DIPK1C: variants seen among roughly 807,000 people sequenced by gnomAD.
DIPK1C encodes the protein divergent protein kinase domain 1C.
In DIPK1C, 33 loss-of-function variants were observed where a neutral mutation model predicts 28.0. The ratio of observed to expected loss-of-function variants is 1.18; its 90% CI spans 0.89 to 1.58. The LOEUF (loss-of-function observed/expected upper bound fraction) is 1.58, where lower values mean the gene tolerates loss of function less well. DIPK1C is among the 40% of genes most tolerant of loss of function. DIPK1C has a pLI of 0.00. For missense variants in DIPK1C, 569 were observed against 568.5 expected, an observed-to-expected ratio of 1.00 and a Z score of -0.01; for synonymous variants, 255 against 248.8, an observed-to-expected ratio of 1.02 and a Z score of -0.23.
At chr18:74,451,529 C>T (rs1264152135) in intron 1 of DIPK1C, among the ~76,000 whole-genome samples, 1 of 152,144 alleles carries the variant, frequency 6.6e-6, no homozygotes, top group Non-Finnish European at 1.5e-5. Flanking sequence ...CGAGATTTGC[C>T]CCTGTGAATT....
chr18:74,436,435 CAAT>C lies in DIPK1C; in HGVS notation c.*63_*65del, dbSNP rs1454731672. On this transcript the variant is annotated 3_prime_UTR_variant, in exon 4 of 4. Transcript: ENST00000343998. ...CAGGGGAAATGGCTCATCTTTAAAA[CAAT>C]GGCAGAAGAAATCCAGCCAAGGTCA... The C allele has an allele frequency of 6.9e-7, 1 of 1,450,066 alleles. No homozygotes were observed. Among genetic ancestry groups the C allele is most frequent in the Non-Finnish European group, 9.3e-7 (1 of 1,078,340 alleles). The allele number at this position is 1,450,066 out of a possible 1,614,324, so 89.8% of individuals were successfully genotyped here.
upstream of DIPK1C, among the ~76,000 whole-genome samples, chr18:74,459,492 AC>A (rs1186197751): frequency 6.6e-6 from 1 of 152,198 alleles, no homozygotes; most frequent in Non-Finnish European, 1.5e-5. Context: ...TTAGGTTGAT[AC>A]CACAGGAAGT....
chr18:74,456,661 CA>C (rs1986520775), intron 1 of DIPK1C, among the ~76,000 whole-genome samples: 1 of 152,222 alleles, frequency 6.6e-6, no homozygotes, highest in Admixed American at 6.5e-5. Context: ...AGAGGCGTGG[CA>C]CCCCGGATCC....
chr18:74,441,764 C>T (rs948746151), intron 3 of DIPK1C, among the ~76,000 whole-genome samples, 188 bp downstream of exon 3: 10 of 152,154 alleles, frequency 6.6e-5, no homozygotes, highest in Non-Finnish European at 1.2e-4. Flanking sequence ...TGACCAACAA[C>T]CCTGGGGGCA....
chr18:74,444,424 C>T (rs908504453), intron 2 of DIPK1C, among the ~76,000 whole-genome samples: 3 of 152,204 alleles, frequency 2.0e-5, no homozygotes, highest in African/African-American at 7.2e-5. Flanking sequence ...CCAGGGCAGC[C>T]CAGCAACCTG....
intron 1 of DIPK1C, among the ~76,000 whole-genome samples, chr18:74,455,409 A>G (rs1170144249): frequency 2.0e-5 from 3 of 152,186 alleles, no homozygotes; most frequent in Non-Finnish European, 4.4e-5. Flanking sequence ...CCCTTCACAA[A>G]AAAAGAAAAC....
chr18:74,464,438 C>A, the DIPK1C span, among the ~76,000 whole-genome samples: 1 of 152,164 alleles, frequency 6.6e-6, no homozygotes, highest in Non-Finnish European at 1.5e-5. Context: ...CTACTCCTGC[C>A]CCCTGGCAGG....
intron 1 of DIPK1C, among the ~76,000 whole-genome samples, chr18:74,450,428 G>C (rs1986372858): frequency 6.6e-6 from 1 of 152,238 alleles, no homozygotes; most frequent in South Asian, 2.1e-4. Context: ...TAAGCTGGGA[G>C]CTTCAGAGTC....
chr18:74,446,486 T>G, intron 2 of DIPK1C, 120 bp downstream of exon 2: 1 of 991,882 alleles, frequency 1.0e-6, no homozygotes, highest in South Asian at 3.0e-5. Context: ...TCTCTAAGGC[T>G]GCAGAAGCAA....
intron 3 of DIPK1C, among the ~76,000 whole-genome samples, chr18:74,438,001 C>T (rs939510097): frequency 2.0e-5 from 3 of 152,222 alleles, no homozygotes; most frequent in Non-Finnish European, 4.4e-5. Flanking sequence ...AAGCGATCCT[C>T]CTGCCTCAGC....
intron 1 of DIPK1C, among the ~76,000 whole-genome samples, chr18:74,455,748 GAAAA>G (rs1204205357): frequency 3.2e-5 from 4 of 125,818 alleles, no homozygotes; most frequent in Non-Finnish European, 5.2e-5. Context: ...AAAAGAAAAA[GAAAA>G]AAAAAACCAA....
chr18:74,442,336 T>TTTTTC (rs1568262240), intron 2 of DIPK1C, among the ~76,000 whole-genome samples: 9 of 151,684 alleles, frequency 5.9e-5, no homozygotes, highest in South Asian at 4.2e-4. Context: ...TTTTCTTTTT[T>TTTTTC]TTTTTTAATT....
Position 74,447,303 on chromosome 18 carries a change from C to A in DIPK1C, c.199-20G>T. Reference sequence around the variant, plus strand: ...CTGGCACTGGAAGGAAGGGAACAGTCGGTCACCATGGGGAGGGCCTGGTGC... The same window carrying A: ...CTGGCACTGGAAGGAAGGGAACAGTAGGTCACCATGGGGAGGGCCTGGTGC... On this transcript the variant is annotated intron_variant, in intron 1 of 3. Coordinates refer to ENST00000343998, the MANE Select transcript of DIPK1C (RefSeq NM_001044369.3). The surrounding 1 kb of genome is among the most constrained non-coding windows in gnomAD (Gnocchi z 4.1). 6.6e-7 allele frequency: 1 copy of A among 1,505,976 alleles called. No individual in the cohort carries two copies. Among genetic ancestry groups the A allele is most frequent in the South Asian group, 1.3e-5 (1 of 77,376 alleles). 93.3% of individuals were successfully genotyped at this position (1,505,976 alleles called of 1,614,324 possible). A position where few individuals can be genotyped will look rare whatever the true frequency, so the allele number is the denominator to read the frequency against.
chr18:74,454,424 C>T (rs1033038771), intron 1 of DIPK1C, among the ~76,000 whole-genome samples: 1 of 152,216 alleles, frequency 6.6e-6, no homozygotes. Flanking sequence ...AGGCCAGCAA[C>T]GCCCCCCGCC....
upstream of DIPK1C, among the ~76,000 whole-genome samples, chr18:74,458,940 C>CAAAAAAAAAAA (rs61690822): frequency 1.9e-3 from 240 of 123,320 alleles, 3 homozygotes; most frequent in African/African-American, 6.3e-3. Flanking sequence ...CCAACCTGGG[C>CAAAAAAAAAAA]AAAAAAAAAA....
chr18:74,462,210 T>C (rs530432941), upstream of DIPK1C, among the ~76,000 whole-genome samples: 2 of 152,358 alleles, frequency 1.3e-5, no homozygotes, highest in East Asian at 1.9e-4. Context: ...AACGTCTCTA[T>C]CATCCAGGAA....
intron 2 of DIPK1C, among the ~76,000 whole-genome samples, chr18:74,444,995 C>T: frequency 6.6e-6 from 1 of 152,158 alleles, no homozygotes; most frequent in East Asian, 1.9e-4. Context: ...CATCACAGAC[C>T]CCATCAGCCC....
At chr18:74,450,067 G>A (rs953764243) in intron 1 of DIPK1C, among the ~76,000 whole-genome samples, 5 of 152,202 alleles carry the variant, frequency 3.3e-5, no homozygotes, top group African/African-American at 1.2e-4. Context: ...GAGGACGAAT[G>A]ATAAGGAACT....
At chr18:74,441,929 C>T in intron 3 of DIPK1C, 23 bp downstream of exon 3, 2 of 1,606,486 alleles carry the variant, frequency 1.2e-6, no homozygotes, top group Middle Eastern at 1.7e-4. Flanking sequence ...CTCTCCTCCC[C>T]CAGCCCTGGC....
Sources: gnomAD v4.1 joint callset for allele counts (sites outside exome capture counted in the v4.1 genomes callset) on GRCh38, gnomAD v4.1.1 for gene constraint, Gnocchi (gnomAD v3.1) non-coding constraint, MANE v1.5 for transcripts, NCBI Gene and HGNC (gene_info 2026-07-23, HGNC 2026-07-21) for gene names.